The following IFNAR2 variants were observed in gnomAD, a reference collection of about 807,000 sequenced individuals.
IFNAR2 encodes interferon alpha/beta receptor 2.
In IFNAR2, 30 loss-of-function variants were observed where a neutral mutation model predicts 49.4. The ratio of observed to expected loss-of-function variants is 0.61; its 90% confidence interval spans 0.45 to 0.82. The LOEUF (loss-of-function observed/expected upper bound fraction) is 0.82, where lower values mean the gene tolerates loss of function less well. Among genes scored for constraint, IFNAR2 ranks in the 40% least tolerant of loss-of-function variants. The pLI is 0.00. For missense variants in IFNAR2, 600 were observed against 622.7 expected (o/e 0.96, Z 0.39); for synonymous variants, 224 against 234.5 (o/e 0.96, Z 0.41).
chr21:33,235,597 G>A (rs181827614), intron 1 of IFNAR2, among the ~76,000 whole-genome samples: 14 of 152,128 alleles, frequency 9.2e-5, no homozygotes, highest in African/African-American at 2.7e-4. Context: ...CTCTCAACAC[G>A]TAATGTTTTT....
At chr21:33,260,020 TTCAG>T (rs1474833632) in intron 7 of IFNAR2, among the ~76,000 whole-genome samples, 1 of 152,230 alleles carries the variant, frequency 6.6e-6, no homozygotes, top group Non-Finnish European at 1.5e-5. Flanking sequence ...CTGGTCGCAC[TTCAG>T]GAAAATAACT....
At chr21:33,253,285 A>C (rs13047715) in intron 7 of IFNAR2, among the ~76,000 whole-genome samples, 25,150 of 152,182 alleles carry the variant, frequency 0.17, 2,308 homozygotes, top group African/African-American at 0.2. Flanking sequence ...AACCCTTGCC[A>C]GGGTGTACGA....
rs896319739 is a variant in IFNAR2, at chr21:33,258,998, C to T, written c.710-1599C>T. ...TCCAGAGAGGTAAGTACGGGAGGAA[C>T]TATAAGAGACTGATGTTAGTCATCG... On this transcript the variant is annotated intron_variant, in intron 7 of 8. Coordinates refer to ENST00000342136, the MANE Select transcript of IFNAR2 (RefSeq NM_001289125.3). Among the ~76,000 whole-genome samples the T allele has an allele frequency of 2.0e-5, 3 of 152,126 alleles. 1 individual carries two copies.
At chr21:33,254,420 T>C (rs1988072734) in intron 7 of IFNAR2, among the ~76,000 whole-genome samples, 1 of 152,210 alleles carries the variant, frequency 6.6e-6, no homozygotes, top group Non-Finnish European at 1.5e-5. Context: ...TTTGACATAT[T>C]TTGAAATGGC....
At chr21:33,247,254 C>CTTTTTTTTTTTTTTT (rs59707670) in intron 5 of IFNAR2, among the ~76,000 whole-genome samples, 54 of 91,548 alleles carry the variant, frequency 5.9e-4, no homozygotes, top group African/African-American at 9.2e-4. Context: ...TTCTTTCTTT[C>CTTTTTTTTTTTTTTT]TTTTTTTTTT....
chr21:33,262,364 CAAAAA>C (rs58341848), intron 8 of IFNAR2, among the ~76,000 whole-genome samples: 1 of 96,338 alleles, frequency 1.0e-5, no homozygotes, highest in South Asian at 3.6e-4. Flanking sequence ...ACTCCCGTCT[CAAAAA>C]AAAAAAAAAA....
chr21:33,237,977 A>G (rs1264584414), intron 1 of IFNAR2, among the ~76,000 whole-genome samples: 1 of 152,192 alleles, frequency 6.6e-6, no homozygotes, highest in Non-Finnish European at 1.5e-5. Flanking sequence ...CAGGACATAC[A>G]AACAAAAAGA....
At position 33,243,694 on chromosome 21, in the gene IFNAR2, G is replaced by C. The variant is rs1179133357; in HGVS notation, c.77G>C (p.Gly26Ala). ...CTAGTGTATATCAGCCTCGTGTTTG[G>C]TATTTCATATGATTCGCCTGGTAAG... ...VLMVYISLVF[G>A]ISYDSPDYTD... Residue 26 changes from glycine to alanine, a missense_variant, in exon 3 of 9, where the codon GGT (glycine) becomes GCT (alanine). Transcript: ENST00000342136. The C allele has an allele frequency of 6.2e-7, 1 of 1,613,288 alleles. No homozygotes were observed. Among genetic ancestry groups the C allele is most frequent in the East Asian group, 2.2e-5 (1 of 44,874 alleles).
chr21:33,246,749 T>G lies in IFNAR2; in HGVS notation c.253T>G (p.Cys85Gly), dbSNP rs751841284. 3.7e-6 allele frequency: 6 copies of G among 1,613,392 alleles called. No individual in the cohort carries two copies. Among genetic ancestry groups the G allele is most frequent in the Admixed American group, 3.3e-5 (2 of 59,876 alleles). ...KPEDLKVVKN[C>G]ANTTRSFCDL... Reference sequence around the variant, plus strand: ...AGAAGATTTGAAGGTGGTTAAGAACTGTGCAAATACCACAAGATCATTTTG... The same window carrying G: ...AGAAGATTTGAAGGTGGTTAAGAACGGTGCAAATACCACAAGATCATTTTG... The change falls in exon 5 of 9, where the codon TGT becomes GGT. Residue 85 changes from cysteine (C) to glycine (G), a missense_variant. By Grantham distance (159) the Cys-to-Gly change is radical. Coordinates refer to ENST00000342136, the MANE Select transcript of IFNAR2 (RefSeq NM_001289125.3).
intron 1 of IFNAR2, among the ~76,000 whole-genome samples, chr21:33,238,747 G>A (rs1472102514): frequency 1.1e-4 from 17 of 148,476 alleles, no homozygotes; most frequent in Non-Finnish European, 2.1e-4. Flanking sequence ...AAAAAGATGT[G>A]ACTCATATCA....
intron 7 of IFNAR2, among the ~76,000 whole-genome samples, chr21:33,255,264 C>T (rs1988129925): frequency 6.6e-6 from 1 of 152,148 alleles, no homozygotes; most frequent in Admixed American, 6.5e-5. Context: ...CCAATGATTC[C>T]ATTCATTTCT....
In IFNAR2 at chr21:33,262,772, CTCTTT is replaced by C. The variant is rs1468542521; in HGVS notation, c.841-19_841-15del. ...AGTACAGCTGATACGGACTCTCTCTCTCTTTTTTTTTTTTTTTAAGAATTTTCATA... is the reference window on the plus strand; with the variant it reads ...AGTACAGCTGATACGGACTCTCTCTCTTTTTTTTTTTTAAGAATTTTCATA... On this transcript the variant is annotated splice_polypyrimidine_tract_variant and intron_variant, in intron 8 of 8. Transcript: ENST00000342136. The C allele has an allele frequency of 3.9e-6, 6 of 1,554,350 alleles. No individual in the cohort carries two copies. The highest frequency in any genetic ancestry group is 2.3e-5 in the East Asian group (1 of 43,072).
chr21:33,255,537 G>A (rs1988150903), intron 7 of IFNAR2, among the ~76,000 whole-genome samples: 1 of 152,206 alleles, frequency 6.6e-6, no homozygotes, highest in African/African-American at 2.4e-5. Flanking sequence ...CCATTGAAGA[G>A]GTGCACAGGA....
In IFNAR2 at chr21:33,252,981, CGTGTG is replaced by C; in HGVS notation, c.709+152_709+156del. 2 of 714,294 alleles carry C rather than the reference CGTGTG, an allele frequency of 2.8e-6. 1 individual carries two copies. The highest frequency in any genetic ancestry group is 3.1e-5 in the South Asian group (2 of 65,438). 44.2% of individuals were successfully genotyped at this position (714,294 alleles called of 1,614,324 possible). Reference sequence around the variant, plus strand: ...CTCACAGAGATGTTTTCTGTTGGTTCGTGTGTATGATCTGGTAGAGTCACTTTTAT... The same window carrying C: ...CTCACAGAGATGTTTTCTGTTGGTTCTATGATCTGGTAGAGTCACTTTTAT... On this transcript the variant is annotated intron_variant, in intron 7 of 8. Coordinates refer to ENST00000342136, the MANE Select transcript of IFNAR2 (RefSeq NM_001289125.3).
At chr21:33,236,805 C>T in intron 1 of IFNAR2, 1 of 982,998 alleles carries the variant, frequency 1.0e-6, no homozygotes, top group Non-Finnish European at 1.2e-6. Context: ...CACAGGAGAA[C>T]CTCAAGCCAA....
Position 33,230,044 on chromosome 21 carries a change from G to C in IFNAR2, c.-256G>C. On this transcript the variant is annotated 5_prime_UTR_variant, in exon 1 of 9. Coordinates refer to ENST00000342136, the MANE Select transcript of IFNAR2 (RefSeq NM_001289125.3). The surrounding 1 kb of genome is among the most constrained non-coding windows in gnomAD (Gnocchi z 5.5). ...CGAGCCGAACAGTTCCCCGAGCGCA[G>C]CCCGCGGACCACCACCCGGCCGCAC... is the stretch of plus-strand genomic sequence containing the variant. 1.0e-6 allele frequency: 1 copy of C among 985,870 alleles called. No individual in the cohort carries two copies. Among genetic ancestry groups the C allele is most frequent in the Non-Finnish European group, 1.2e-6 (1 of 830,058 alleles). 61.1% of individuals were successfully genotyped at this position (985,870 alleles called of 1,614,324 possible). A position where few individuals can be genotyped will look rare whatever the true frequency, so the allele number is the denominator to read the frequency against.
At chr21:33,256,037 A>G (rs1239046768) in intron 7 of IFNAR2, among the ~76,000 whole-genome samples, 1 of 152,234 alleles carries the variant, frequency 6.6e-6, no homozygotes, top group Non-Finnish European at 1.5e-5. Flanking sequence ...CGAAACTCTT[A>G]TAGACAATAA....
chr21:33,237,060 C>T (rs892908087), intron 1 of IFNAR2, among the ~76,000 whole-genome samples: 5 of 125,720 alleles, frequency 4.0e-5, no homozygotes, highest in Non-Finnish European at 8.4e-5. Context: ...CATCCCCTGG[C>T]CCAGAGGGGG....
chr21:33,246,612 T>C, intron 4 of IFNAR2, 106 bp from the exon 5 acceptor site: 1 of 766,184 alleles, frequency 1.3e-6, no homozygotes, highest in East Asian at 2.7e-5. Flanking sequence ...AATACAATGA[T>C]ATTTGGGCAG....
Sources: gnomAD v4.1 joint callset for allele counts (sites outside exome capture counted in the v4.1 genomes callset) on GRCh38, gnomAD v4.1.1 for gene constraint, Gnocchi (gnomAD v3.1) non-coding constraint, MANE v1.5 for transcripts, NCBI Gene and HGNC (gene_info 2026-07-23, HGNC 2026-07-21) for gene names.